Variants in ZNF649 observed in about 807,000 individuals in gnomAD.
ZNF649 encodes zinc finger protein 649.
ZNF649 carries 7 observed loss-of-function variants against 14.1 expected under a neutral mutation model. The ratio of observed to expected loss-of-function variants is 0.49; its 90% CI spans 0.28 to 0.93. The LOEUF is 0.93. ZNF649 is among the 40% of genes least tolerant of loss of function. The pLI is 0.10. For missense variants in ZNF649, 544 were observed against 608.1 expected, an observed-to-expected ratio of 0.89 and a Z score of 1.11; for synonymous variants, 227 against 212.3, an observed-to-expected ratio of 1.07 and a Z score of -0.60.
rs75819819 is a variant in ZNF649 at position 51,895,152 on chromosome 19, G to T, written c.238+1320C>A. ...CAAATCACACTGATGTGGTATCTATGGGAGTGGCTTGTGTGTGATTGGGAT... is the reference window on the plus strand; with the variant it reads ...CAAATCACACTGATGTGGTATCTATTGGAGTGGCTTGTGTGTGATTGGGAT... On this transcript the variant is annotated intron_variant, in intron 4 of 4. Coordinates refer to ENST00000354957, the MANE Select transcript of ZNF649 (RefSeq NM_023074.4). 5.3e-3 allele frequency among the ~76,000 whole-genome samples: 805 copies of T among 152,264 alleles called. 2 individuals are homozygous for T. The highest frequency in any genetic ancestry group is 8.9e-3 in the Non-Finnish European group (605 of 68,030).
chr19:51,892,914 GTTTT>G (rs2085034206), intron 4 of ZNF649, among the ~76,000 whole-genome samples: 1 of 151,596 alleles, frequency 6.6e-6, no homozygotes, highest in Admixed American at 6.6e-5. Context: ...TGCCACGAGT[GTTTT>G]TTGTTTTGTT....
At chr19:51,899,867 G>T in intron 2 of ZNF649, 1 of 389,064 alleles carries the variant, frequency 2.6e-6, no homozygotes, top group Non-Finnish European at 4.5e-6. Flanking sequence ...AGCCAACAGG[G>T]TCTGGCAGAG....
At chr19:51,894,975 AT>A (rs2085050665) in intron 4 of ZNF649, among the ~76,000 whole-genome samples, 1 of 152,248 alleles carries the variant, frequency 6.6e-6, no homozygotes, top group Non-Finnish European at 1.5e-5. Flanking sequence ...GAAATGCTTA[AT>A]AGATGGAAAA....
At position 51,891,179 on chromosome 19, in the gene ZNF649, T is replaced by C. The variant is rs377650643; in HGVS notation, c.957A>G (p.Thr319=). 6 of 1,614,244 alleles carry C rather than the reference T, an allele frequency of 3.7e-6. No homozygotes were observed. Among genetic ancestry groups the C allele is most frequent in the African/African-American group, 1.3e-5 (1 of 75,066 alleles). The change falls in exon 5 of 5, where the codon ACA becomes ACG. Residue 319 remains threonine (T), a synonymous_variant. Coordinates refer to ENST00000354957, the MANE Select transcript of ZNF649 (RefSeq NM_023074.4). This position sits in a 1 kb window ranked among gnomAD's most constrained non-coding sequence, Gnocchi z 4.2. ...TGAAGCCTTTTCCACATTCACTGCA[T>C]GTATGAGGCTTCTCTCCTGTATGAG... ...QRTHTGEKPH[T]CSECGKGFIQ...
intron 4 of ZNF649, chr19:51,896,207 T>C: frequency 3.1e-6 from 1 of 322,388 alleles, no homozygotes; most frequent in Non-Finnish European, 5.8e-6. Flanking sequence ...AATGGGAAGA[T>C]GTGAAAATCC....
chr19:51,902,931 G>A (rs1399810671), intron 1 of ZNF649, among the ~76,000 whole-genome samples: 1 of 152,040 alleles, frequency 6.6e-6, no homozygotes, highest in East Asian at 1.9e-4. Context: ...CTACTAGAGC[G>A]ATGTGAAAAT....
rs988448264 is a variant in ZNF649, at chr19:51,890,361, G to A, written c.*257C>T. 5 of 414,374 alleles carry A rather than the reference G, an allele frequency of 1.2e-5. No individual in the cohort carries two copies. The highest frequency in any genetic ancestry group is 1.0e-4 in the African/African-American group (5 of 50,034). The allele number at this position is 414,374 out of a possible 1,614,324, so 25.7% of individuals were successfully genotyped here. A position where few individuals can be genotyped will look rare whatever the true frequency, so the allele number is the denominator to read the frequency against. On this transcript the variant is annotated 3_prime_UTR_variant, in exon 5 of 5. Transcript: ENST00000354957. ...ACCCCTACCTTGGCCCCCGGAGTAA[G>A]AGATATCATTCTGAGGAACACCAAG...
intron 4 of ZNF649, 169 bp downstream of exon 4, chr19:51,896,303 A>G (rs575452131): frequency 3.4e-6 from 2 of 588,412 alleles, no homozygotes; most frequent in East Asian, 2.9e-5. Flanking sequence ...AGGGGTATGT[A>G]TGCTTCTCTG....
At chr19:51,895,502 C>T (rs1480097081) in intron 4 of ZNF649, among the ~76,000 whole-genome samples, 2 of 151,912 alleles carry the variant, frequency 1.3e-5, no homozygotes, top group Admixed American at 1.3e-4. Context: ...TGTCACCACG[C>T]CCGGCTAATT....
chr19:51,893,241 A>C (rs1285209532), intron 4 of ZNF649, among the ~76,000 whole-genome samples: 1 of 152,222 alleles, frequency 6.6e-6, no homozygotes, highest in Non-Finnish European at 1.5e-5. Context: ...TCCAAAATGA[A>C]AGTGGATTAT....
Position 51,891,422 on chromosome 19 carries a change from C to A in ZNF649, c.714G>T (p.Leu238Phe). ...HRGEKPHGCS[L>F]CGKAFYKRYR... is the part of the protein sequence containing the mutation. ...ACCTCTTGTAGAAGGCTTTCCCACA[C>A]AAGCTACACCCGTGGGGTTTCTCTC... is the stretch of plus-strand genomic sequence containing the variant. Residue 238 changes from leucine to phenylalanine, a missense_variant, in exon 5 of 5, where the codon TTG becomes TTT. Transcript: ENST00000354957. The surrounding 1 kb of genome is among the most constrained non-coding windows in gnomAD (Gnocchi z 4.2). The A allele has an allele frequency of 6.2e-7, 1 of 1,614,022 alleles. No individual in the cohort carries two copies. The highest frequency in any genetic ancestry group is 8.5e-7 in the Non-Finnish European group (1 of 1,179,952).
rs764836284 is a variant in ZNF649, at chr19:51,890,470, G to C, written c.*148C>G. Reference sequence around the variant, plus strand: ...GAAAAACAATATTGTGGGAGGGGTAGTGAGGTTTATAAGATATAAAAAAGT... The same window carrying C: ...GAAAAACAATATTGTGGGAGGGGTACTGAGGTTTATAAGATATAAAAAAGT... On this transcript the variant is annotated 3_prime_UTR_variant, in exon 5 of 5. Coordinates refer to ENST00000354957, the MANE Select transcript of ZNF649 (RefSeq NM_023074.4). The C allele has an allele frequency of 1.0e-5, 6 of 583,768 alleles. No homozygotes were observed. The Admixed American group carries it at 1.3e-4, about 13-fold the overall frequency. 36.2% of individuals were successfully genotyped at this position (583,768 alleles called of 1,614,324 possible).
intron 4 of ZNF649, among the ~76,000 whole-genome samples, chr19:51,893,381 CAAA>C (rs202194096): frequency 7.3e-6 from 1 of 137,104 alleles, no homozygotes; most frequent in African/African-American, 2.9e-5. Flanking sequence ...TCCTGCAAGG[CAAA>C]AAAAAAAAAG....
At chr19:51,892,811 A>G (rs770732277) in intron 4 of ZNF649, among the ~76,000 whole-genome samples, 4 of 152,252 alleles carry the variant, frequency 2.6e-5, no homozygotes, top group Non-Finnish European at 5.9e-5. Context: ...CTTTGTAGCA[A>G]TAAGATACCA....
intron 1 of ZNF649, among the ~76,000 whole-genome samples, chr19:51,901,680 G>C (rs1256943349): frequency 6.6e-6 from 1 of 152,054 alleles, no homozygotes; most frequent in Non-Finnish European, 1.5e-5. Context: ...TAAAGGCCGA[G>C]CGTGTTGGCT....
intron 1 of ZNF649, among the ~76,000 whole-genome samples, chr19:51,903,208 A>AG: frequency 6.6e-6 from 1 of 152,232 alleles, no homozygotes; most frequent in South Asian, 2.1e-4. Flanking sequence ...TAAGTTCCCC[A>AG]GAAGTTCACC....
rs1389619990 is a variant in ZNF649 at position 51,890,665 on chromosome 19, CCA to C, written c.1469_1470del (p.Val490GlyfsTer8). On this transcript the variant is annotated frameshift_variant, in exon 5 of 5. Coordinates refer to ENST00000354957, the MANE Select transcript of ZNF649 (RefSeq NM_023074.4). LOFTEE classifies it high-confidence loss of function. The stretch of plus-strand genomic sequence containing the variant: ...AACTCACACTGCCCTGCCACCATTG[CCA>C]CAGTTACCATATTAACAGGGCTTTT... ...QGKSPVNMVTVAMVAGQCEFA... is the reference protein window; with the variant it reads ...QGKSPVNMVTXAMVAGQCEFA... 3 of 1,614,036 alleles carry C rather than the reference CCA, an allele frequency of 1.9e-6. No homozygotes were observed. The highest frequency in any genetic ancestry group is 1.3e-5 in the African/African-American group (1 of 75,018).
Position 51,893,144 on chromosome 19 carries a change from G to A in ZNF649, c.239-1247C>T, listed in dbSNP as rs79499717. On this transcript the variant is annotated intron_variant, in intron 4 of 4. Transcript: ENST00000354957. Reference sequence around the variant, plus strand: ...ACACCAGCTGTTTTGGTCAGCTGCCGGAGTCTGTGCAGACTTTTCTTATAT... The same window carrying A: ...ACACCAGCTGTTTTGGTCAGCTGCCAGAGTCTGTGCAGACTTTTCTTATAT... Among the ~76,000 whole-genome samples, 919 of 152,192 alleles carry A rather than the reference G, an allele frequency of 6.0e-3. 9 individuals carry two copies. The highest frequency in any genetic ancestry group is 0.02 in the African/African-American group (842 of 41,524).
chr19:51,903,263 T>C (rs1195384565), intron 1 of ZNF649, among the ~76,000 whole-genome samples: 1 of 151,984 alleles, frequency 6.6e-6, no homozygotes, highest in Non-Finnish European at 1.5e-5. Flanking sequence ...TGGGCATACT[T>C]GATTAAAACA....
Sources: gnomAD v4.1 joint callset for allele counts (sites outside exome capture counted in the v4.1 genomes callset) on GRCh38, gnomAD v4.1.1 for gene constraint, Gnocchi (gnomAD v3.1) non-coding constraint, MANE v1.5 for transcripts, NCBI Gene and HGNC (gene_info 2026-07-23, HGNC 2026-07-21) for gene names.